Variants in DUSP22 observed in about 807,000 individuals in gnomAD.
The protein encoded by DUSP22 is dual specificity protein phosphatase 22.
Under a neutral mutation model 24.5 loss-of-function variants are expected in DUSP22, and 24 were observed. That is an observed-to-expected ratio of 0.98 (90% confidence interval 0.71 to 1.38). The LOEUF (loss-of-function observed/expected upper bound fraction) is 1.38, where lower values mean the gene tolerates loss of function less well. Ranked by LOEUF, DUSP22 falls within the 40% of genes most tolerant of loss-of-function variation. The pLI, the probability that DUSP22 is intolerant of heterozygous loss-of-function variation, is 0.00. For missense variants in DUSP22, 330 were observed against 269.2 expected (o/e 1.23, Z -1.58); for synonymous variants, 160 against 106.4 (o/e 1.50, Z -3.10).
At position 292,527 on chromosome 6, in the gene DUSP22, G is replaced by T; in HGVS notation, c.-13G>T. 6.2e-7 allele frequency: 1 copy of T among 1,605,142 alleles called. No individual in the cohort carries two copies. Among genetic ancestry groups the T allele is most frequent in the Non-Finnish European group, 8.5e-7 (1 of 1,175,850 alleles). ...CCACACGGCCGGGGCGCTAGCGTTC[G>T]CCTTCAGCCACCATGGGGAATGGGA... is the stretch of plus-strand genomic sequence containing the variant. On this transcript the variant is annotated 5_prime_UTR_variant, in exon 1 of 7. Coordinates refer to ENST00000419235, the MANE Select transcript of DUSP22 (RefSeq NM_001286555.3).
At chr6:305,172 T>C (rs1757766504) in intron 2 of DUSP22, among the ~76,000 whole-genome samples, 1 of 152,306 alleles carries the variant, frequency 6.6e-6, no homozygotes, top group South Asian at 2.1e-4. Context: ...ATGGGTGAGA[T>C]TGACAGGCAA....
chr6:344,873 C>A (rs889340169), intron 4 of DUSP22, among the ~76,000 whole-genome samples: 2 of 152,304 alleles, frequency 1.3e-5, no homozygotes, highest in Non-Finnish European at 2.9e-5. Flanking sequence ...GGAAAGCCCA[C>A]ACGACGTGGT....
At chr6:299,040 C>A (rs1184271429) in intron 1 of DUSP22, among the ~76,000 whole-genome samples, 2 of 152,298 alleles carry the variant, frequency 1.3e-5, no homozygotes, top group African/African-American at 4.8e-5. Context: ...GAACAGTGTC[C>A]CCAGCAAAGG....
At chr6:334,506 C>A (rs911351394) in intron 3 of DUSP22, among the ~76,000 whole-genome samples, 11 of 152,030 alleles carry the variant, frequency 7.2e-5, no homozygotes, top group Non-Finnish European at 1.5e-4. Context: ...TTATTTTTTT[C>A]AAATTTGGCC....
chr6:304,097 T>A (rs1757705987), intron 1 of DUSP22, among the ~76,000 whole-genome samples: 1 of 152,304 alleles, frequency 6.6e-6, no homozygotes, highest in African/African-American at 2.4e-5. Context: ...CCCAAGGAGT[T>A]TTCCCCGACA....
intron 2 of DUSP22, among the ~76,000 whole-genome samples, chr6:309,007 C>T (rs1389571687): frequency 6.6e-6 from 1 of 152,302 alleles, no homozygotes; most frequent in Non-Finnish European, 1.5e-5. Context: ...CACTGCTTTT[C>T]TAAAATGTCC....
At chr6:302,394 C>A (rs1283897806) in intron 1 of DUSP22, among the ~76,000 whole-genome samples, 1 of 152,306 alleles carries the variant, frequency 6.6e-6, no homozygotes, top group African/African-American at 2.4e-5. Flanking sequence ...CACCTCTCTC[C>A]CACTCCCTCC....
chr6:349,666 C>T lies in DUSP22; in HGVS notation c.*715C>T, dbSNP rs1209928981. 19 of 986,096 alleles carry T rather than the reference C, an allele frequency of 1.9e-5. No homozygotes were observed. Among genetic ancestry groups the T allele is most frequent in the Non-Finnish European group, 2.3e-5 (19 of 830,480 alleles). The allele number at this position is 986,096 out of a possible 1,614,324, so 61.1% of individuals were successfully genotyped here. On this transcript the variant is annotated 3_prime_UTR_variant, in exon 7 of 7. Transcript: ENST00000419235. ...CCTGAGCTGGTCCAGTGGGCCAGCA[C>T]TTTATACCAACTCAGCATTTAAGGG...
chr6:307,781 T>C (rs967470847), intron 2 of DUSP22, among the ~76,000 whole-genome samples: 5 of 152,306 alleles, frequency 3.3e-5, no homozygotes, highest in African/African-American at 7.2e-5. Context: ...GTGGTGTGCA[T>C]TGAGACCATG....
intron 3 of DUSP22, among the ~76,000 whole-genome samples, chr6:317,259 C>A (rs372499321): frequency 3.7e-4 from 57 of 152,394 alleles, no homozygotes; most frequent in African/African-American, 1.3e-3. Flanking sequence ...TGCCCAGCGG[C>A]CACGTGGGCC....
Position 350,024 on chromosome 6 carries a change from T to A in DUSP22, c.*1073T>A, listed in dbSNP as rs1252330710. ...TTATTAGGCACTGTAGCAATTTGCA[T>A]TTTAAAATGCCTGAGCATTTATTAA... is the stretch of plus-strand genomic sequence containing the variant. On this transcript the variant is annotated 3_prime_UTR_variant, in exon 7 of 7. Coordinates refer to ENST00000419235, the MANE Select transcript of DUSP22 (RefSeq NM_001286555.3). 1.0e-6 allele frequency: 1 copy of A among 985,572 alleles called. No homozygotes were observed. The highest frequency in any genetic ancestry group is 1.7e-5 in the African/African-American group (1 of 57,276). 61.1% of individuals were successfully genotyped at this position (985,572 alleles called of 1,614,324 possible). A position where few individuals can be genotyped will look rare whatever the true frequency, so the allele number is the denominator to read the frequency against.
intron 4 of DUSP22, among the ~76,000 whole-genome samples, chr6:343,602 T>C (rs1759716778): frequency 6.6e-6 from 1 of 152,290 alleles, no homozygotes; most frequent in Non-Finnish European, 1.5e-5. Flanking sequence ...GAGTCCTTGA[T>C]TTGGTCCCCT....
intron 3 of DUSP22, among the ~76,000 whole-genome samples, chr6:313,686 G>A (rs1758211005): frequency 6.6e-6 from 1 of 152,410 alleles, no homozygotes; most frequent in South Asian, 2.1e-4. Flanking sequence ...TTCATAATAA[G>A]TACTTCCATG....
intron 3 of DUSP22, chr6:325,649 C>T: frequency 4.4e-6 from 1 of 225,772 alleles, no homozygotes. Flanking sequence ...CCCTGGGCTT[C>T]TGCATCCTCG....
At chr6:346,309 G>A (rs979497228) in intron 5 of DUSP22, among the ~76,000 whole-genome samples, 24 of 152,292 alleles carry the variant, frequency 1.6e-4, no homozygotes, top group Non-Finnish European at 2.1e-4. Context: ...TGAAGACACT[G>A]TTGTTTTTTC....
intron 3 of DUSP22, among the ~76,000 whole-genome samples, chr6:324,693 A>G (rs577260238): frequency 1.8e-4 from 27 of 152,416 alleles, no homozygotes; most frequent in Middle Eastern, 3.4e-3. Context: ...TTCTCAAAAC[A>G]GCTTCTAGAG....
chr6:313,279 A>T (rs1476095249), intron 3 of DUSP22, among the ~76,000 whole-genome samples: 2 of 152,302 alleles, frequency 1.3e-5, no homozygotes, highest in East Asian at 3.8e-4. Context: ...TCCCTGCTTC[A>T]TACTCCATTA....
intron 3 of DUSP22, among the ~76,000 whole-genome samples, chr6:322,391 T>C (rs539244926): frequency 1.3e-5 from 2 of 152,424 alleles, no homozygotes; most frequent in East Asian, 3.9e-4. Flanking sequence ...CTGAGTGCAG[T>C]CCTTGGGGTT....
chr6:337,585 C>T (rs1206874620), intron 4 of DUSP22, among the ~76,000 whole-genome samples: 1 of 152,306 alleles, frequency 6.6e-6, no homozygotes, highest in African/African-American at 2.4e-5. Context: ...CAGCCTAATT[C>T]CAGTCACCTT....
Sources: allele counts gnomAD v4.1 joint callset (sites outside exome capture counted in the v4.1 genomes callset), GRCh38; gene constraint gnomAD v4.1.1; transcripts MANE v1.5; gene names NCBI Gene and HGNC (gene_info 2026-07-23, HGNC 2026-07-21).